Variants in PLEKHA7 observed in about 807,000 individuals in gnomAD.
The protein encoded by PLEKHA7 is pleckstrin homology domain containing A7, also known as pleckstrin homology domain-containing family A member 7.
Under a neutral mutation model 170.0 loss-of-function variants are expected in PLEKHA7, and 104 were observed. That is an observed-to-expected ratio of 0.61 (90% CI 0.52 to 0.72). The LOEUF is 0.72. Among genes scored for constraint, PLEKHA7 ranks in the 30% least tolerant of loss-of-function variants. PLEKHA7 has a pLI of 0.00. For missense variants in PLEKHA7, 1,615 were observed against 1,671.7 expected (o/e 0.97, Z 0.59); for synonymous variants, 648 against 660.8 (o/e 0.98, Z 0.30).
chr11:16,832,167 C>G (rs407932), intron 9 of PLEKHA7, among the ~76,000 whole-genome samples: 1 of 152,116 alleles, frequency 6.6e-6, no homozygotes, highest in African/African-American at 2.4e-5. Context: ...AAAAAGCCCA[C>G]GTCCCTGATT....
intron 3 of PLEKHA7, among the ~76,000 whole-genome samples, chr11:16,882,649 T>G (rs1230305813): frequency 6.6e-6 from 1 of 152,132 alleles, no homozygotes; most frequent in Non-Finnish European, 1.5e-5. Context: ...AGTCCATCAC[T>G]AAAAAGACTG....
intron 3 of PLEKHA7, among the ~76,000 whole-genome samples, chr11:16,871,523 C>G (rs1175741307): frequency 6.6e-6 from 1 of 152,126 alleles, no homozygotes; most frequent in Non-Finnish European, 1.5e-5. Flanking sequence ...TAAGACAGTA[C>G]GAGCTAAAAC....
intron 3 of PLEKHA7, among the ~76,000 whole-genome samples, chr11:16,895,241 C>G (rs937201302): frequency 4.6e-5 from 7 of 152,194 alleles, no homozygotes; most frequent in African/African-American, 1.7e-4. Flanking sequence ...TCATTTGTGT[C>G]TAGAAGTCCC....
chr11:16,912,443 G>A (rs1430134876), intron 3 of PLEKHA7, among the ~76,000 whole-genome samples: 4 of 152,212 alleles, frequency 2.6e-5, no homozygotes, highest in Non-Finnish European at 4.4e-5. Flanking sequence ...TCAAAAGGAT[G>A]AATAATACTC....
At chr11:16,824,132 G>A (rs1850451428) in intron 10 of PLEKHA7, among the ~76,000 whole-genome samples, 1 of 152,194 alleles carries the variant, frequency 6.6e-6, no homozygotes, top group Non-Finnish European at 1.5e-5. Context: ...GGGGGGAGTA[G>A]GGATGCTTAA....
In PLEKHA7 at chr11:16,907,198, C is replaced by T. The variant is rs1218135616; in HGVS notation, c.222-36016G>A. 2.9e-4 allele frequency among the ~76,000 whole-genome samples: 24 copies of T among 83,612 alleles called. 1 individual carries two copies. Among genetic ancestry groups the T allele is most frequent in the African/African-American group, 1.4e-3 (20 of 14,628 alleles). The allele number at this position is 83,612 out of a possible 152,430, so 54.9% of individuals were successfully genotyped here. A position where few individuals can be genotyped will look rare whatever the true frequency, so the allele number is the denominator to read the frequency against. ...CCCCCGCCCGGCCAGCCGCCCCATC[C>T]GGGAGGGAGGTGGGGGGGTCATCCC... On this transcript the variant is annotated intron_variant, in intron 3 of 26. Coordinates refer to ENST00000531066, the MANE Select transcript of PLEKHA7 (RefSeq NM_001329630.2).
At chr11:16,838,642 T>C (rs979552608) in intron 9 of PLEKHA7, among the ~76,000 whole-genome samples, 4 of 151,260 alleles carry the variant, frequency 2.6e-5, no homozygotes, top group African/African-American at 9.7e-5. Flanking sequence ...ACATCAACTA[T>C]TGGCAAAGAT....
chr11:16,945,032 G>A (rs1031833271), intron 3 of PLEKHA7, among the ~76,000 whole-genome samples: 1 of 152,114 alleles, frequency 6.6e-6, no homozygotes, highest in Non-Finnish European at 1.5e-5. Flanking sequence ...TGCCTCCCGG[G>A]TTCAAGCAAT....
chr11:16,935,314 T>A (rs1003169159), intron 3 of PLEKHA7, among the ~76,000 whole-genome samples: 1 of 152,220 alleles, frequency 6.6e-6, no homozygotes, highest in African/African-American at 2.4e-5. Context: ...ATGCCTGTAA[T>A]CCCAGCTACT....
At chr11:16,934,992 T>C (rs989607666) in intron 3 of PLEKHA7, among the ~76,000 whole-genome samples, 12 of 152,240 alleles carry the variant, frequency 7.9e-5, no homozygotes, top group Admixed American at 6.5e-5. Flanking sequence ...CTTAATGTAC[T>C]ACATGTGAAT....
chr11:16,878,174 C>T (rs906656913), intron 3 of PLEKHA7, among the ~76,000 whole-genome samples: 3 of 152,124 alleles, frequency 2.0e-5, no homozygotes, highest in Non-Finnish European at 4.4e-5. Context: ...CCTCTATCTA[C>T]GAAATATACG....
intron 19 of PLEKHA7, among the ~76,000 whole-genome samples, chr11:16,793,987 G>C (rs913644664): frequency 1.3e-5 from 2 of 152,196 alleles, no homozygotes; most frequent in African/African-American, 4.8e-5. Context: ...TACTGCTCTT[G>C]CTGTGTATAC....
At chr11:16,921,206 T>C (rs1859062984) in intron 3 of PLEKHA7, among the ~76,000 whole-genome samples, 1 of 152,072 alleles carries the variant, frequency 6.6e-6, no homozygotes, top group African/African-American at 2.4e-5. Context: ...ACCAGATGCG[T>C]CAGAAAGAAA....
Position 16,986,508 on chromosome 11 carries a change from C to T in PLEKHA7, c.221+27481G>A, listed in dbSNP as rs151007351. ...GCCAGCAGAACCATGTCACACCTTG[C>T]CCACAGTCACCAAAGTGGGGACCCT... On this transcript the variant is annotated intron_variant, in intron 3 of 26. Transcript: ENST00000531066. Among the ~76,000 whole-genome samples, 909 of 152,268 alleles carry T rather than the reference C, an allele frequency of 6.0e-3. 9 individuals carry two copies. Among genetic ancestry groups the T allele is most frequent in the Middle Eastern group, 0.021 (6 of 292 alleles).
At chr11:16,903,868 A>G (rs1857492869) in intron 3 of PLEKHA7, among the ~76,000 whole-genome samples, 1 of 152,246 alleles carries the variant, frequency 6.6e-6, no homozygotes, top group Non-Finnish European at 1.5e-5. Flanking sequence ...ACAGTCAGAC[A>G]GCAAACAGGC....
chr11:16,832,903 G>A (rs1258400070), intron 9 of PLEKHA7, among the ~76,000 whole-genome samples: 2 of 152,156 alleles, frequency 1.3e-5, no homozygotes, highest in African/African-American at 4.8e-5. Flanking sequence ...GCACTGATCT[G>A]CAGTCTCAGG....
At chr11:16,853,182 CA>C (rs893452098) in intron 6 of PLEKHA7, among the ~76,000 whole-genome samples, 6 of 151,322 alleles carry the variant, frequency 4.0e-5, no homozygotes, top group African/African-American at 1.2e-4. Flanking sequence ...CCCAGCTGTA[CA>C]AAAAAAAATT....
chr11:16,906,278 G>GGAAA (rs1455349182), intron 3 of PLEKHA7, among the ~76,000 whole-genome samples: 32 of 98,672 alleles, frequency 3.2e-4, no homozygotes, highest in Non-Finnish European at 5.3e-4. Context: ...AAGGAAGGAA[G>GGAAA]GAAAGAAAGA....
intron 1 of PLEKHA7, 36 bp downstream of exon 1, chr11:17,014,280 C>A: frequency 7.1e-7 from 1 of 1,414,540 alleles, no homozygotes; most frequent in Non-Finnish European, 9.2e-7. Context: ...CGCGCCCCCA[C>A]CCGCGTCCCC....
Sources: allele counts gnomAD v4.1 joint callset (sites outside exome capture counted in the v4.1 genomes callset), GRCh38; gene constraint gnomAD v4.1.1; transcripts MANE v1.5; gene names NCBI Gene and HGNC (gene_info 2026-07-23, HGNC 2026-07-21).